Variants in B3GALT1 observed in about 807,000 individuals in gnomAD.
The protein encoded by B3GALT1 is beta-1,3-galactosyltransferase 1.
A neutral mutation model predicts 23.2 loss-of-function variants in B3GALT1; 10 were observed. That is an observed-to-expected ratio of 0.43 (90% CI 0.27 to 0.73). The LOEUF (loss-of-function observed/expected upper bound fraction) is 0.73. B3GALT1 is among the 30% of genes least tolerant of loss of function. B3GALT1 has a pLI of 0.21. For synonymous variants in B3GALT1, 156 were observed against 141.5 expected (o/e 1.10, Z -0.73); for missense variants, 299 against 405.4 (o/e 0.74, Z 2.25).
intron 3 of B3GALT1, among the ~76,000 whole-genome samples, chr2:167,666,339 T>C (rs1183635970): frequency 6.6e-6 from 1 of 152,220 alleles, no homozygotes; most frequent in Non-Finnish European, 1.5e-5. Context: ...TTCTGTTCTT[T>C]TACATTTGCT....
intron 1 of B3GALT1, among the ~76,000 whole-genome samples, chr2:167,338,565 A>G (rs1472505637): frequency 1.3e-5 from 2 of 152,196 alleles, no homozygotes; most frequent in South Asian, 2.1e-4. Flanking sequence ...TTGTGCTGAG[A>G]CCCAGTGCTA....
intron 3 of B3GALT1, among the ~76,000 whole-genome samples, chr2:167,683,755 A>G (rs1686573107): frequency 6.6e-6 from 1 of 152,104 alleles, no homozygotes; most frequent in African/African-American, 2.4e-5. Context: ...AAACACACAC[A>G]CACACACACA....
chr2:167,498,545 A>G (rs1379933935), intron 2 of B3GALT1, among the ~76,000 whole-genome samples: 1 of 152,166 alleles, frequency 6.6e-6, no homozygotes, highest in Non-Finnish European at 1.5e-5. Context: ...TATGTTATGT[A>G]GCAAGCATAC....
At chr2:167,356,860 T>G (rs2105259813) in intron 1 of B3GALT1, among the ~76,000 whole-genome samples, 1 of 152,112 alleles carries the variant, frequency 6.6e-6, no homozygotes, top group Non-Finnish European at 1.5e-5. Flanking sequence ...TCAAGCGTCA[T>G]TAGTGTGGCT....
At chr2:167,750,445 G>T (rs982656614) in intron 3 of B3GALT1, among the ~76,000 whole-genome samples, 1 of 151,974 alleles carries the variant, frequency 6.6e-6, no homozygotes, top group African/African-American at 2.4e-5. Flanking sequence ...TTTTTAAGTC[G>T]TTTCTTCTAG....
chr2:167,839,814 C>G (rs549866073), intron 4 of B3GALT1, among the ~76,000 whole-genome samples: 1 of 152,136 alleles, frequency 6.6e-6, no homozygotes, highest in African/African-American at 2.4e-5. Context: ...CAGCATGGTA[C>G]TGGTACCAAA....
chr2:167,777,241 A>C (rs987613993), intron 3 of B3GALT1, among the ~76,000 whole-genome samples: 2 of 152,244 alleles, frequency 1.3e-5, no homozygotes, highest in East Asian at 1.9e-4. Context: ...ATTTAATATG[A>C]AAATGACACC....
At chr2:167,838,637 A>C (rs981614605) in intron 4 of B3GALT1, among the ~76,000 whole-genome samples, 4 of 152,302 alleles carry the variant, frequency 2.6e-5, no homozygotes, top group Non-Finnish European at 5.9e-5. Flanking sequence ...AAACTATTCC[A>C]ATCAATAGAA....
At chr2:167,733,935 A>G (rs1012631866) in intron 3 of B3GALT1, among the ~76,000 whole-genome samples, 3 of 152,034 alleles carry the variant, frequency 2.0e-5, no homozygotes, top group Admixed American at 6.5e-5. Context: ...GAAAGTACCA[A>G]GCATGTTGCC....
intron 3 of B3GALT1, among the ~76,000 whole-genome samples, chr2:167,770,593 T>C (rs1688057131): frequency 6.6e-6 from 1 of 152,204 alleles, no homozygotes; most frequent in African/African-American, 2.4e-5. Flanking sequence ...GTTAGTGGTG[T>C]CTTTCTCAAA....
At chr2:167,383,221 T>C (rs1249342312) in intron 1 of B3GALT1, among the ~76,000 whole-genome samples, 1 of 152,058 alleles carries the variant, frequency 6.6e-6, no homozygotes, top group Non-Finnish European at 1.5e-5. Context: ...AGAGTTTATT[T>C]GGTAACCTCT....
chr2:167,330,520 G>A (rs1696956957), intron 1 of B3GALT1, among the ~76,000 whole-genome samples: 2 of 152,166 alleles, frequency 1.3e-5, no homozygotes, highest in Admixed American at 6.5e-5. Flanking sequence ...TGAGGTGGGA[G>A]GATCACCTGA....
At chr2:167,843,511 C>T (rs529000250) in intron 4 of B3GALT1, among the ~76,000 whole-genome samples, 1 of 152,298 alleles carries the variant, frequency 6.6e-6, no homozygotes, top group East Asian at 1.9e-4. Flanking sequence ...ATTTCAGCCT[C>T]TTAATAACTG....
intron 1 of B3GALT1, among the ~76,000 whole-genome samples, chr2:167,338,713 T>C (rs890512172): frequency 6.6e-6 from 1 of 152,084 alleles, no homozygotes; most frequent in Non-Finnish European, 1.5e-5. Flanking sequence ...AAGGCAAATA[T>C]ATATAAGCCA....
At chr2:167,628,643 C>A (rs1035783572) in intron 2 of B3GALT1, among the ~76,000 whole-genome samples, 2 of 151,804 alleles carry the variant, frequency 1.3e-5, no homozygotes, top group Admixed American at 6.6e-5. Context: ...CATTGTGAGA[C>A]TTCACTCAAA....
intron 1 of B3GALT1, among the ~76,000 whole-genome samples, chr2:167,471,759 T>C (rs1487471820): frequency 6.6e-6 from 1 of 152,194 alleles, no homozygotes; most frequent in East Asian, 1.9e-4. Flanking sequence ...TCCTTTAAAG[T>C]AGGAGTGATG....
chr2:167,357,772 A>G (rs556347502), intron 1 of B3GALT1, among the ~76,000 whole-genome samples: 3 of 152,274 alleles, frequency 2.0e-5, no homozygotes, highest in East Asian at 3.9e-4. Flanking sequence ...CTATTTCAAC[A>G]TTTCTTTATA....
At chr2:167,374,034 T>TC (rs1215743607) in intron 1 of B3GALT1, among the ~76,000 whole-genome samples, 1 of 152,156 alleles carries the variant, frequency 6.6e-6, no homozygotes. Flanking sequence ...CCTCTAGTAG[T>TC]CCCCAGTGTC....
chr2:167,753,168 G>A (rs1024954693), intron 3 of B3GALT1, among the ~76,000 whole-genome samples: 3 of 152,130 alleles, frequency 2.0e-5, no homozygotes, highest in Non-Finnish European at 2.9e-5. Context: ...TGAAATTTAG[G>A]ATTATGAGCA....
Sources: gnomAD v4.1 joint callset for allele counts (sites outside exome capture counted in the v4.1 genomes callset) on GRCh38, gnomAD v4.1.1 for gene constraint, MANE v1.5 for transcripts, NCBI Gene and HGNC (gene_info 2026-07-23, HGNC 2026-07-21) for gene names.